The following METAP1 variants were observed in gnomAD, a reference collection of about 807,000 sequenced individuals.
The protein encoded by METAP1 is methionine aminopeptidase 1.
METAP1 carries 28 observed loss-of-function variants against 53.8 expected under a neutral mutation model. The ratio of observed to expected loss-of-function variants is 0.52; its 90% CI spans 0.39 to 0.71. The LOEUF (loss-of-function observed/expected upper bound fraction) is 0.71. Ranked by LOEUF, METAP1 falls within the 30% of genes least tolerant of loss-of-function variation. The pLI, the probability that METAP1 is intolerant of heterozygous loss-of-function variation, is 0.00. For synonymous variants in METAP1, 181 were observed against 165.7 expected (o/e 1.09, Z -0.71); for missense variants, 389 against 479.8 (o/e 0.81, Z 1.77).
rs1560718498 is a variant in METAP1, at chr4:99,035,350, TTTTA to T, written c.280-42_280-39del. On this transcript the variant is annotated intron_variant, in intron 3 of 10. Transcript: ENST00000296411. ...TTGAATGGACTTCTTTCTCCCCTCG[TTTTA>T]TTTATTTTTCGTTGGTAAATCAGTT... The T allele has an allele frequency of 5.2e-6, 7 of 1,344,604 alleles. No homozygotes were observed. In the Admixed American group the frequency reaches 8.0e-5, roughly 15 times the overall value. 83.3% of individuals were successfully genotyped at this position (1,344,604 alleles called of 1,614,324 possible).
chr4:99,043,080 C>T (rs1326312942), intron 6 of METAP1, among the ~76,000 whole-genome samples, 169 bp from the exon 7 acceptor site: 1 of 152,080 alleles, frequency 6.6e-6, no homozygotes, highest in African/African-American at 2.4e-5. Context: ...GGCACAAACC[C>T]TGTTGTATAT....
At chr4:99,030,125 GTTACTAGCA>G in intron 2 of METAP1, among the ~76,000 whole-genome samples, 1 of 152,162 alleles carries the variant, frequency 6.6e-6, no homozygotes, top group Admixed American at 6.5e-5. Context: ...CTTTGAGCCA[GTTACTAGCA>G]TTTTATACCC....
intron 1 of METAP1, among the ~76,000 whole-genome samples, chr4:99,015,507 T>C (rs1223376881): frequency 1.3e-5 from 2 of 152,216 alleles, no homozygotes; most frequent in Non-Finnish European, 2.9e-5. Flanking sequence ...AATGCTTCCT[T>C]ATGTGAAATA....
At chr4:99,020,616 T>G (rs1724051607) in intron 1 of METAP1, among the ~76,000 whole-genome samples, 1 of 152,080 alleles carries the variant, frequency 6.6e-6, no homozygotes, top group African/African-American at 2.4e-5. Context: ...CTTTTTACCC[T>G]CCTCCATCCC....
intron 1 of METAP1, among the ~76,000 whole-genome samples, chr4:98,997,825 T>TG (rs149857734): frequency 6.6e-6 from 1 of 152,346 alleles, no homozygotes; most frequent in African/African-American, 2.4e-5. Context: ...CCAGAGTGGC[T>TG]GTCCCAACTG....
At chr4:99,049,981 A>G (rs758332868) in intron 9 of METAP1, among the ~76,000 whole-genome samples, 1 of 152,178 alleles carries the variant, frequency 6.6e-6, no homozygotes, top group Non-Finnish European at 1.5e-5. Flanking sequence ...TGGCTTGCTC[A>G]AGGTCACACA....
At chr4:99,025,866 C>T (rs938020761) in intron 1 of METAP1, among the ~76,000 whole-genome samples, 1 of 152,338 alleles carries the variant, frequency 6.6e-6, no homozygotes. Context: ...AAACCTTGGT[C>T]TCCACAACCC....
In METAP1 at chr4:99,028,937, T is replaced by C. The variant is rs917338347; in HGVS notation, c.166+19T>C. ...AAAGCAAGTAAGTACAATCACAAAT[T>C]TTTACACCATTTGTCTTAGAAGTGG... On this transcript the variant is annotated intron_variant, in intron 2 of 10. Transcript: ENST00000296411. 6.7e-7 allele frequency: 1 copy of C among 1,495,066 alleles called. No individual in the cohort carries two copies. The highest frequency in any genetic ancestry group is 1.4e-5 in the African/African-American group (1 of 71,946). The allele number at this position is 1,495,066 out of a possible 1,614,324, so 92.6% of individuals were successfully genotyped here. A position where few individuals can be genotyped will look rare whatever the true frequency, so the allele number is the denominator to read the frequency against.
At chr4:99,022,895 C>T (rs1360359461) in intron 1 of METAP1, 1 of 1,515,316 alleles carries the variant, frequency 6.6e-7, no homozygotes, top group Non-Finnish European at 8.9e-7. Context: ...CAAACCAGTC[C>T]TCAGCCTGAA....
At chr4:98,997,211 A>G (rs375162706) in intron 1 of METAP1, among the ~76,000 whole-genome samples, 8 of 152,380 alleles carry the variant, frequency 5.3e-5, no homozygotes, top group African/African-American at 1.9e-4. Context: ...ACGTAAAGAT[A>G]TAAATAAATA....
chr4:99,055,751 G>T (rs966486342), intron 9 of METAP1, among the ~76,000 whole-genome samples: 2 of 152,180 alleles, frequency 1.3e-5, no homozygotes, highest in African/African-American at 4.8e-5. Flanking sequence ...CAATGCTGCT[G>T]TTCTGGACGG....
intron 1 of METAP1, among the ~76,000 whole-genome samples, chr4:99,024,188 G>A (rs543625349): frequency 1.3e-5 from 2 of 152,114 alleles, no homozygotes; most frequent in African/African-American, 2.4e-5. Flanking sequence ...TCTGATTATC[G>A]GTACATGCAG....
At chr4:99,007,388 C>T (rs745961031) in intron 1 of METAP1, among the ~76,000 whole-genome samples, 6 of 152,074 alleles carry the variant, frequency 3.9e-5, no homozygotes, top group Admixed American at 6.5e-5. Flanking sequence ...TTTTTTTAAC[C>T]TCACAATTGG....
chr4:99,012,395 C>T lies in METAP1; in HGVS notation c.115-16472C>T, dbSNP rs577826011. On this transcript the variant is annotated intron_variant, in intron 1 of 10. Transcript: ENST00000296411. Reference sequence around the variant, plus strand: ...AAGTGATTCTCTTGCCTCAGCCTCTCGAGTAGCTGCACTGACTTACAGGTG... The same window carrying T: ...AAGTGATTCTCTTGCCTCAGCCTCTTGAGTAGCTGCACTGACTTACAGGTG... Among the ~76,000 whole-genome samples the T allele has an allele frequency of 2.6e-5, 4 of 151,580 alleles. No homozygotes were observed. In the East Asian group the frequency reaches 5.8e-4, roughly 22 times the overall value.
chr4:99,046,358 C>T (rs192182926), intron 8 of METAP1, among the ~76,000 whole-genome samples: 8 of 151,794 alleles, frequency 5.3e-5, no homozygotes, highest in Non-Finnish European at 7.4e-5. Flanking sequence ...ATTGTGCCAC[C>T]GCATTCCAGC....
chr4:99,036,420 GA>G, intron 4 of METAP1, among the ~76,000 whole-genome samples: 1 of 151,836 alleles, frequency 6.6e-6, no homozygotes, highest in Non-Finnish European at 1.5e-5. Flanking sequence ...TTGTATTTTA[GA>G]AAAACAATCA....
chr4:99,009,422 GT>G (rs1389861198), intron 1 of METAP1, among the ~76,000 whole-genome samples: 2 of 152,164 alleles, frequency 1.3e-5, no homozygotes, highest in African/African-American at 4.8e-5. Flanking sequence ...TTTGTTTTTA[GT>G]TTTTTGAGGA....
intron 9 of METAP1, 100 bp from the exon 10 acceptor site, chr4:99,057,653 A>G: frequency 1.2e-6 from 1 of 830,282 alleles, no homozygotes; most frequent in Non-Finnish European, 1.9e-6. Context: ...TAATTTAACA[A>G]TCACTGATGG....
intron 3 of METAP1, 141 bp from the exon 4 acceptor site, chr4:99,035,259 C>A: frequency 3.2e-6 from 2 of 632,810 alleles, no homozygotes; most frequent in Non-Finnish European, 2.7e-6. Flanking sequence ...AAAAGTAAAG[C>A]ATAATCTTAA....
Sources: gnomAD v4.1 joint callset for allele counts (sites outside exome capture counted in the v4.1 genomes callset) on GRCh38, gnomAD v4.1.1 for gene constraint, MANE v1.5 for transcripts, NCBI Gene and HGNC (gene_info 2026-07-23, HGNC 2026-07-21) for gene names.